Variants in ADORA1 observed in about 807,000 individuals in gnomAD.
The protein encoded by ADORA1 is adenosine receptor A1.
Under a neutral mutation model 19.9 loss-of-function variants are expected in ADORA1, and 6 were observed. The observed-to-expected ratio is 0.30, with a 90% CI of 0.17 to 0.59. The LOEUF (loss-of-function observed/expected upper bound fraction) is 0.59. Ranked by LOEUF, ADORA1 falls within the 20% of genes least tolerant of loss-of-function variation. ADORA1 has a pLI of 0.87. For synonymous variants in ADORA1, 194 were observed against 188.4 expected (o/e 1.03, Z -0.24); for missense variants, 302 against 439.2 (o/e 0.69, Z 2.79).
chr1:203,146,781 C>T (rs937822663), intron 3 of ADORA1, among the ~76,000 whole-genome samples: 4 of 152,334 alleles, frequency 2.6e-5, no homozygotes, highest in South Asian at 2.1e-4. Flanking sequence ...GGGTTCCTGT[C>T]GGTCCTGCCG....
intron 3 of ADORA1, among the ~76,000 whole-genome samples, chr1:203,134,393 T>A (rs1654438706): frequency 6.6e-6 from 1 of 152,132 alleles, no homozygotes. Context: ...AGAAGATAAT[T>A]TCTCTGAATT....
chr1:203,129,577 G>C (rs1654268204), intron 3 of ADORA1: 1 of 196,294 alleles, frequency 5.1e-6, no homozygotes, highest in Non-Finnish European at 1.0e-5. Flanking sequence ...AAGAGGCAGA[G>C]AAGAGAGTTA....
At chr1:203,156,342 A>G (rs914187581) in intron 3 of ADORA1, among the ~76,000 whole-genome samples, 2 of 152,196 alleles carry the variant, frequency 1.3e-5, no homozygotes, top group African/African-American at 4.8e-5. Context: ...AGAGTCAGGA[A>G]TCTTCCCTTA....
At position 203,142,777 on chromosome 1, in the gene ADORA1, G is replaced by A. The variant is rs182906833; in HGVS notation, c.341+13595G>A. ...CCCCGTCTCCTGGAGGCCTTGTCCT[G>A]TGCAGCTCCTGGTGGGGAGCTGGCT... On this transcript the variant is annotated intron_variant, in intron 3 of 3. Transcript: ENST00000337894. 5.3e-5 allele frequency among the ~76,000 whole-genome samples: 8 copies of A among 152,290 alleles called. No individual in the cohort carries two copies. The East Asian group carries it at 1.5e-3, about 29-fold the overall frequency.
At chr1:203,149,618 G>A (rs1654968602) in intron 3 of ADORA1, among the ~76,000 whole-genome samples, 1 of 152,168 alleles carries the variant, frequency 6.6e-6, no homozygotes, top group African/African-American at 2.4e-5. Context: ...TGAGATATCG[G>A]GGCTGAGTGG....
chr1:203,128,239 G>A lies in ADORA1; in HGVS notation c.-212-39G>A. The A allele has an allele frequency of 9.3e-7, 1 of 1,071,076 alleles. No homozygotes were observed. Among genetic ancestry groups the A allele is most frequent in the South Asian group, 1.5e-5 (1 of 68,192 alleles). The allele number at this position is 1,071,076 out of a possible 1,614,324, so 66.3% of individuals were successfully genotyped here. ...GGGCGCTACCTCTTTAAAAGCGTCCGGGGCTGAGTCTCTGCCGTACCATGT... is the reference window on the plus strand; with the variant it reads ...GGGCGCTACCTCTTTAAAAGCGTCCAGGGCTGAGTCTCTGCCGTACCATGT... On this transcript the variant is annotated intron_variant, in intron 1 of 3. Coordinates refer to ENST00000337894, the MANE Select transcript of ADORA1 (RefSeq NM_000674.3). The surrounding 1 kb of genome is among the most constrained non-coding windows in gnomAD (Gnocchi z 5.9).
chr1:203,149,437 T>G (rs1654962870), intron 3 of ADORA1, among the ~76,000 whole-genome samples: 1 of 152,240 alleles, frequency 6.6e-6, no homozygotes, highest in Non-Finnish European at 1.5e-5. Context: ...GCAGCTAACA[T>G]GCTGCTCTGT....
intron 3 of ADORA1, among the ~76,000 whole-genome samples, chr1:203,132,513 C>A (rs189962847): frequency 2.1e-4 from 32 of 152,198 alleles, no homozygotes; most frequent in Non-Finnish European, 4.0e-4. Context: ...AGTTATTCAG[C>A]CTCTCTGAGC....
chr1:203,137,781 C>A (rs1018171221), intron 3 of ADORA1, among the ~76,000 whole-genome samples: 1 of 152,204 alleles, frequency 6.6e-6, no homozygotes, highest in African/African-American at 2.4e-5. Context: ...ATTTAGGACA[C>A]TTCCAGCATT....
At position 203,165,372 on chromosome 1, in the gene ADORA1, G is replaced by A. The variant is rs760767699; in HGVS notation, c.453G>A (p.Ala151=). The A allele has an allele frequency of 2.7e-5, 43 of 1,598,550 alleles. No individual in the cohort carries two copies. The highest frequency in any genetic ancestry group is 5.4e-5 in the African/African-American group (4 of 74,702). ...TPMFGWNNLS[A]VERAWAANGS... ...TGTTTGGCTGGAACAATCTGAGTGC[G>A]GTGGAGCGGGCCTGGGCAGCCAACG... Residue 151 remains alanine (A), a synonymous_variant, in exon 4 of 4, where the codon GCG becomes GCA. Transcript: ENST00000337894. The surrounding 1 kb of genome is among the most constrained non-coding windows in gnomAD (Gnocchi z 5.9).
At chr1:203,160,901 T>C (rs12726499) in intron 3 of ADORA1, among the ~76,000 whole-genome samples, 23 of 152,156 alleles carry the variant, frequency 1.5e-4, no homozygotes, top group African/African-American at 5.1e-4. Flanking sequence ...ATTGATCAGA[T>C]AACTATTATT....
rs1284676327 is a variant in ADORA1 at position 203,129,062 on chromosome 1, A to G, written c.221A>G (p.Gln74Arg). The change falls in exon 3 of 4, where the codon CAG becomes CGG. Residue 74 changes from glutamine (Q) to arginine (R), a missense_variant. Gln to Arg is a conservative substitution (Grantham distance 43, BLOSUM62 1). Transcript: ENST00000337894. ...PLAILINIGPQTYFHTCLMVA... is the reference protein window; with the variant it reads ...PLAILINIGPRTYFHTCLMVA... ...GCCATCCTCATCAACATTGGGCCACAGACCTACTTCCACACCTGCCTCATG... is the reference window on the plus strand; with the variant it reads ...GCCATCCTCATCAACATTGGGCCACGGACCTACTTCCACACCTGCCTCATG... The G allele has an allele frequency of 1.2e-6, 2 of 1,614,036 alleles. No homozygotes were observed. The highest frequency in any genetic ancestry group is 1.7e-6 in the Non-Finnish European group (2 of 1,180,042).
chr1:203,161,006 C>T (rs1413941780), intron 3 of ADORA1, among the ~76,000 whole-genome samples: 3 of 152,204 alleles, frequency 2.0e-5, no homozygotes, highest in Non-Finnish European at 2.9e-5. Context: ...GCTTTCTCTG[C>T]CCTGCCCTAT....
intron 3 of ADORA1, among the ~76,000 whole-genome samples, chr1:203,161,859 G>T (rs1429452620): frequency 1.3e-5 from 2 of 152,176 alleles, no homozygotes; most frequent in Non-Finnish European, 1.5e-5. Flanking sequence ...ACAGGCGTAA[G>T]CCACCGCGCC....
At chr1:203,158,204 C>G (rs531272661) in intron 3 of ADORA1, among the ~76,000 whole-genome samples, 16 of 152,262 alleles carry the variant, frequency 1.1e-4, no homozygotes, top group Non-Finnish European at 1.8e-4. Context: ...AAAAAGAAAC[C>G]ATATAGCACC....
intron 3 of ADORA1, among the ~76,000 whole-genome samples, chr1:203,161,761 G>C (rs1655375844): frequency 6.6e-6 from 1 of 152,004 alleles, no homozygotes; most frequent in Non-Finnish European, 1.5e-5. Flanking sequence ...TTTTAGTAGA[G>C]ATGGGGTTTC....
intron 3 of ADORA1, among the ~76,000 whole-genome samples, chr1:203,149,458 C>G (rs1426588417): frequency 6.6e-6 from 1 of 152,176 alleles, no homozygotes; most frequent in African/African-American, 2.4e-5. Context: ...TTTACCCGTG[C>G]AAATGACAGG....
intron 3 of ADORA1, among the ~76,000 whole-genome samples, chr1:203,156,257 G>A (rs773885310): frequency 3.3e-5 from 5 of 152,042 alleles, no homozygotes; most frequent in Non-Finnish European, 7.4e-5. Flanking sequence ...AGAGGGAGGA[G>A]GGAGAGAGTC....
chr1:203,135,931 G>A (rs1373557466), intron 3 of ADORA1, among the ~76,000 whole-genome samples: 1 of 152,188 alleles, frequency 6.6e-6, no homozygotes, highest in East Asian at 1.9e-4. Flanking sequence ...GGCTGGGTTG[G>A]GCAGGACTGT....
Sources: gnomAD v4.1 joint callset for allele counts (sites outside exome capture counted in the v4.1 genomes callset) on GRCh38, gnomAD v4.1.1 for gene constraint, Gnocchi (gnomAD v3.1) non-coding constraint, MANE v1.5 for transcripts, NCBI Gene and HGNC (gene_info 2026-07-23, HGNC 2026-07-21) for gene names.